SLC13A4: variants seen among roughly 807,000 people sequenced by gnomAD.
SLC13A4 encodes the protein solute carrier family 13 member 4.
Under a neutral mutation model 72.7 loss-of-function variants are expected in SLC13A4, and 28 were observed. The observed-to-expected ratio is 0.39, with a 90% CI of 0.29 to 0.53. SLC13A4 has a LOEUF of 0.53. Ranked by LOEUF, SLC13A4 falls within the 20% of genes least tolerant of loss-of-function variation. SLC13A4 has a pLI of 0.78. For synonymous variants in SLC13A4, 312 were observed against 325.5 expected, an observed-to-expected ratio of 0.96 and a Z score of 0.45; for missense variants, 653 against 788.0, an observed-to-expected ratio of 0.83 and a Z score of 2.05.
chr7:135,708,062 C>A, intron 3 of SLC13A4, 52 bp downstream of exon 3: 2 of 1,590,298 alleles, frequency 1.3e-6, no homozygotes, highest in Admixed American at 3.4e-5. Context: ...CCTGGTGGCA[C>A]ACTGGGAGCT....
At chr7:135,689,495 C>T (rs574481147) in intron 13 of SLC13A4, among the ~76,000 whole-genome samples, 2 of 152,270 alleles carry the variant, frequency 1.3e-5, no homozygotes, top group South Asian at 4.1e-4. Context: ...AATATAACTA[C>T]TCTACTTGGC....
At chr7:135,725,740 G>T (rs1004846404) in intron 1 of SLC13A4, among the ~76,000 whole-genome samples, 4 of 152,120 alleles carry the variant, frequency 2.6e-5, no homozygotes, top group Non-Finnish European at 4.4e-5. Flanking sequence ...GGAGGATCAC[G>T]TCAGACCATG....
chr7:135,693,164 T>C (rs1795829571), intron 10 of SLC13A4: 1 of 147,918 alleles, frequency 6.8e-6, no homozygotes, highest in Non-Finnish European at 1.5e-5. Flanking sequence ...AAATGCATAC[T>C]GAGACATTAA....
At chr7:135,727,007 G>A (rs1255776743) in intron 1 of SLC13A4, among the ~76,000 whole-genome samples, 1 of 152,086 alleles carries the variant, frequency 6.6e-6, no homozygotes, top group East Asian at 1.9e-4. Flanking sequence ...GTGTCTCCAG[G>A]GGCTCTCAGA....
At chr7:135,695,857 A>G (rs543752827) in intron 8 of SLC13A4, among the ~76,000 whole-genome samples, 23 of 152,336 alleles carry the variant, frequency 1.5e-4, no homozygotes, top group Admixed American at 1.3e-3. Flanking sequence ...TGTTTCTAAA[A>G]TCACCAAAGG....
In SLC13A4 at chr7:135,699,377, C is replaced by T. The variant is rs1447250063; in HGVS notation, c.886G>A (p.Glu296Lys). Residue 296 changes from glutamate to lysine, a missense_variant, in exon 8 of 16, where the codon GAA becomes AAA. Transcript: ENST00000682651. ...IGTSTSLIFL[E>K]HFNNQYPAAE... ...TGAATCACTTACTTGTTGAAGTGTT[C>T]CAGGAAGATGAGGCTGGTGGAGGTG... 1 of 1,611,040 alleles carries T rather than the reference C, an allele frequency of 6.2e-7. No homozygotes were observed. The highest frequency in any genetic ancestry group is 1.1e-5 in the South Asian group (1 of 90,124).
chr7:135,686,532 C>T (rs1337666489), intron 13 of SLC13A4, among the ~76,000 whole-genome samples: 15 of 152,262 alleles, frequency 9.9e-5, no homozygotes, highest in Admixed American at 2.0e-4. Context: ...CATACCATCA[C>T]GCCCTGCTCT....
At chr7:135,681,722 A>G in intron 15 of SLC13A4, 22 bp from the exon 16 acceptor site, 3 of 1,607,478 alleles carry the variant, frequency 1.9e-6, no homozygotes, top group Non-Finnish European at 2.5e-6. Flanking sequence ...AAACCAGCAC[A>G]CCCTAGTCAC....
chr7:135,701,546 C>CATGTATGAGAGTA lies in SLC13A4; in HGVS notation c.714+121_714+133dup, dbSNP rs1796035140. On this transcript the variant is annotated intron_variant, in intron 7 of 15. Coordinates refer to ENST00000682651, the MANE Select transcript of SLC13A4 (RefSeq NM_001318192.2). ...ACCTCCATGGCGCACACAGGCCAGA[C>CATGTATGAGAGTA]ATGTATGAGAGTAATGAGTGCCTGG... 6 of 847,954 alleles carry CATGTATGAGAGTA rather than the reference C, an allele frequency of 7.1e-6. No individual in the cohort carries two copies. The South Asian group carries it at 9.0e-5, about 13-fold the overall frequency. 52.5% of individuals were successfully genotyped at this position (847,954 alleles called of 1,614,324 possible). A position where few individuals can be genotyped will look rare whatever the true frequency, so the allele number is the denominator to read the frequency against.
At chr7:135,710,286 G>A (rs1796270628) in intron 2 of SLC13A4, among the ~76,000 whole-genome samples, 1 of 152,194 alleles carries the variant, frequency 6.6e-6, no homozygotes, top group Non-Finnish European at 1.5e-5. Flanking sequence ...GATGGTAGAA[G>A]GCGAAGTGGG....
rs190528375 is a variant in SLC13A4, at chr7:135,705,612, T to C, written c.577A>G (p.Ile193Val). The change falls in exon 5 of 16, where the codon ATC becomes GTC. Residue 193 changes from isoleucine to valine, a missense_variant. Transcript: ENST00000682651. ...CATACTCACTCTTCATTGACAAAGA[T>C]GAGTTCCAGAGAAGGTTGGCTGTTC... is the stretch of plus-strand genomic sequence containing the variant. ...VKNSQPSLEL[I>V]FVNEDRSNAD... 2.8e-5 allele frequency: 45 copies of C among 1,613,828 alleles called. 1 individual carries two copies. The highest frequency in any genetic ancestry group is 1.7e-4 in the Middle Eastern group (1 of 6,060).
chr7:135,685,540 C>A lies in SLC13A4; in HGVS notation c.1590G>T (p.Leu530=). The change falls in exon 14 of 16, where the codon CTG becomes CTT. Residue 530 remains leucine, a synonymous_variant. Coordinates refer to ENST00000682651, the MANE Select transcript of SLC13A4 (RefSeq NM_001318192.2). ...TACTCACCAGGCTGCACAGGATGGG[C>A]AGGAAGATGGTGATGGTTGCTGGGT... ...VSNPATITIF[L]PILCSLSETL... is the part of the protein sequence containing the mutation. 6.2e-7 allele frequency: 1 copy of A among 1,614,106 alleles called. No homozygotes were observed. Among genetic ancestry groups the A allele is most frequent in the Non-Finnish European group, 8.5e-7 (1 of 1,179,992 alleles).
At chr7:135,685,758 G>C in intron 13 of SLC13A4, 75 bp from the exon 14 acceptor site, 1 of 1,382,446 alleles carries the variant, frequency 7.2e-7, no homozygotes, top group Middle Eastern at 1.9e-4. Flanking sequence ...ACTTCAGAAG[G>C]TCAGGGATGT....
intron 2 of SLC13A4, among the ~76,000 whole-genome samples, chr7:135,714,959 TGTGA>T (rs748033035): frequency 5.3e-5 from 8 of 151,392 alleles, no homozygotes; most frequent in Non-Finnish European, 1.0e-4. Flanking sequence ...TGAGAGTGTG[TGTGA>T]GTGTGTATGT....
At chr7:135,699,831 A>G (rs1795991143) in intron 7 of SLC13A4, among the ~76,000 whole-genome samples, 1 of 152,216 alleles carries the variant, frequency 6.6e-6, no homozygotes, top group Non-Finnish European at 1.5e-5. Flanking sequence ...AATGAATGGT[A>G]GGCTATTATT....
intron 1 of SLC13A4, among the ~76,000 whole-genome samples, chr7:135,723,643 A>G (rs1314704370): frequency 6.6e-6 from 1 of 152,166 alleles, no homozygotes; most frequent in Non-Finnish European, 1.5e-5. Flanking sequence ...TGGCCCCTTG[A>G]GTTCAGAACA....
chr7:135,704,244 G>C (rs1455405319), intron 5 of SLC13A4: 5 of 152,454 alleles, frequency 3.3e-5, no homozygotes, highest in Non-Finnish European at 7.3e-5. Flanking sequence ...AGGCCCTGGA[G>C]GGTGGCGTGA....
chr7:135,716,215 T>A (rs1276508983), intron 2 of SLC13A4, among the ~76,000 whole-genome samples: 4 of 152,178 alleles, frequency 2.6e-5, no homozygotes, highest in South Asian at 4.1e-4. Flanking sequence ...TGACTCAGGC[T>A]CCAGCTTTTT....
intron 13 of SLC13A4, among the ~76,000 whole-genome samples, chr7:135,687,876 T>C (rs1795672628): frequency 6.6e-6 from 1 of 152,182 alleles, no homozygotes; most frequent in South Asian, 2.1e-4. Flanking sequence ...AGTGGCACCA[T>C]CTCAGCTCAC....
Sources: allele counts gnomAD v4.1 joint callset (sites outside exome capture counted in the v4.1 genomes callset), GRCh38; gene constraint gnomAD v4.1.1; transcripts MANE v1.5; gene names NCBI Gene and HGNC (gene_info 2026-07-23, HGNC 2026-07-21).